ZC3H7B: variants seen among roughly 807,000 people sequenced by gnomAD.
The protein encoded by ZC3H7B is zinc finger CCCH-type containing 7B, also known as zinc finger CCCH domain-containing protein 7B.
ZC3H7B carries 35 observed loss-of-function variants against 116.0 expected under a neutral mutation model. The ratio of observed to expected loss-of-function variants is 0.30; its 90% CI spans 0.23 to 0.40. The LOEUF is 0.40. Ranked by LOEUF, ZC3H7B falls within the 10% of genes least tolerant of loss-of-function variation. The pLI is 1.00. For synonymous variants in ZC3H7B, 502 were observed against 545.6 expected (o/e 0.92, Z 1.11); for missense variants, 1,011 against 1,321.5 (o/e 0.77, Z 3.64).
chr22:41,356,099 G>T (rs2036713210), intron 20 of ZC3H7B, 37 bp downstream of exon 20: 2 of 1,525,376 alleles, frequency 1.3e-6, no homozygotes, highest in African/African-American at 2.8e-5. Context: ...CCCTCCCCCG[G>T]TGTCTCTTCA....
chr22:41,355,943 C>T lies in ZC3H7B; in HGVS notation c.2275-11C>T. On this transcript the variant is annotated splice_polypyrimidine_tract_variant and intron_variant, in intron 19 of 22. Coordinates refer to ENST00000352645, the MANE Select transcript of ZC3H7B (RefSeq NM_017590.6). ...CGGGACTCAGAGGATCTCCCCACGC[C>T]CACCCCACAGCTCTGCATCCATGCA... 3.8e-6 allele frequency: 6 copies of T among 1,596,522 alleles called. No homozygotes were observed. The highest frequency in any genetic ancestry group is 5.1e-6 in the Non-Finnish European group (6 of 1,170,858).
At chr22:41,345,097 G>A (rs2036567831) in intron 13 of ZC3H7B, among the ~76,000 whole-genome samples, 1 of 152,138 alleles carries the variant, frequency 6.6e-6, no homozygotes, top group East Asian at 1.9e-4. Flanking sequence ...TTACAGGCAT[G>A]AGCCACCATG....
intron 4 of ZC3H7B, among the ~76,000 whole-genome samples, chr22:41,326,926 C>T (rs370652541): frequency 2.6e-5 from 4 of 152,212 alleles, no homozygotes; most frequent in South Asian, 2.1e-4. Context: ...CTTGAGTGGC[C>T]GGGCTCATGG....
At chr22:41,328,842 G>T (rs1222560138) in intron 5 of ZC3H7B, among the ~76,000 whole-genome samples, 2 of 151,850 alleles carry the variant, frequency 1.3e-5, no homozygotes, top group South Asian at 4.2e-4. Context: ...ATTGTTTGGC[G>T]ATAGAAACAA....
rs11090045 is a variant in ZC3H7B, at chr22:41,357,599, G to C, written c.*170G>C. On this transcript the variant is annotated 3_prime_UTR_variant, in exon 23 of 23. Coordinates refer to ENST00000352645, the MANE Select transcript of ZC3H7B (RefSeq NM_017590.6). The surrounding 1 kb of genome is among the most constrained non-coding windows in gnomAD (Gnocchi z 5.4). ...TCTCCCCACCACCGCCCCGGTGTGCGTACCCAGGCGCACGTGCTGCAGCCC... is the reference window on the plus strand; with the variant it reads ...TCTCCCCACCACCGCCCCGGTGTGCCTACCCAGGCGCACGTGCTGCAGCCC... 5.3e-5 allele frequency: 51 copies of C among 959,034 alleles called. No homozygotes were observed. In the South Asian group the frequency reaches 8.1e-4, roughly 15 times the overall value. 59.4% of individuals were successfully genotyped at this position (959,034 alleles called of 1,614,324 possible).
rs1264134284 is a variant in ZC3H7B at position 41,302,662 on chromosome 22, C to T, written c.-7+890C>T. On this transcript the variant is annotated intron_variant, in intron 1 of 22. Coordinates refer to ENST00000352645, the MANE Select transcript of ZC3H7B (RefSeq NM_017590.6). This position sits in a 1 kb window ranked among gnomAD's most constrained non-coding sequence, Gnocchi z 5.7. Reference sequence around the variant, plus strand: ...TCCCCTCCTTTCTCCTCAACTCTGTCTGTTTTAGGCGTTTATAAGGCGCCT... The same window carrying T: ...TCCCCTCCTTTCTCCTCAACTCTGTTTGTTTTAGGCGTTTATAAGGCGCCT... Among the ~76,000 whole-genome samples the T allele has an allele frequency of 4.6e-5, 7 of 152,218 alleles. No homozygotes were observed. The highest frequency in any genetic ancestry group is 1.7e-4 in the African/African-American group (7 of 41,452).
rs1054393053 is a variant in ZC3H7B at position 41,302,316 on chromosome 22, G to A, written c.-7+544G>A. Among the ~76,000 whole-genome samples the A allele has an allele frequency of 1.9e-4, 29 of 151,846 alleles. No individual in the cohort carries two copies. The highest frequency in any genetic ancestry group is 6.8e-4 in the African/African-American group (28 of 41,386). On this transcript the variant is annotated intron_variant, in intron 1 of 22. Transcript: ENST00000352645. The surrounding 1 kb of genome is among the most constrained non-coding windows in gnomAD (Gnocchi z 5.7). The stretch of plus-strand genomic sequence containing the variant: ...GCCCGACGGGCCGCCCCTTTCGGCT[G>A]CGGCGGCCACGCGAGCCCGGGGATC...
At chr22:41,354,955 C>T (rs563100926) in intron 17 of ZC3H7B, among the ~76,000 whole-genome samples, 89 of 152,318 alleles carry the variant, frequency 5.8e-4, no homozygotes, top group Admixed American at 2.0e-3. Context: ...CTGGACCCCC[C>T]GCTCTACAGG....
Position 41,349,900 on chromosome 22 carries a change from T to C in ZC3H7B, c.1948+599T>C, listed in dbSNP as rs1569242964. 6.6e-6 allele frequency among the ~76,000 whole-genome samples: 1 copy of C among 152,188 alleles called. No homozygotes were observed. The highest frequency in any genetic ancestry group is 1.5e-5 in the Non-Finnish European group (1 of 68,036). On this transcript the variant is annotated intron_variant, in intron 16 of 22. Transcript: ENST00000352645. This position sits in a 1 kb window ranked among gnomAD's most constrained non-coding sequence, Gnocchi z 4.9. Reference sequence around the variant, plus strand: ...TATTCCATCCATTCTAGGATGCACATTTACCCCTACTGCCTGTCATCATTT... The same window carrying C: ...TATTCCATCCATTCTAGGATGCACACTTACCCCTACTGCCTGTCATCATTT...
rs116772608 is a variant in ZC3H7B, at chr22:41,315,480, G to A, written c.-6-5175G>A. Among the ~76,000 whole-genome samples the A allele has an allele frequency of 2.5e-3, 382 of 150,662 alleles. 3 individuals are homozygous for A. Among genetic ancestry groups the A allele is most frequent in the African/African-American group, 8.8e-3 (362 of 41,034 alleles). The stretch of plus-strand genomic sequence containing the variant: ...CAGGTATGAGCCACTAAGCCCAGCC[G>A]TACCTCCCTCTTTAACTGAGAATAA... On this transcript the variant is annotated intron_variant, in intron 1 of 22. Transcript: ENST00000352645.
chr22:41,332,286 A>C, intron 7 of ZC3H7B, 59 bp downstream of exon 7: 1 of 1,600,744 alleles, frequency 6.2e-7, no homozygotes, highest in East Asian at 2.2e-5. Flanking sequence ...GTTTGGATTC[A>C]CTCTCTCCGG....
chr22:41,338,186 C>T lies in ZC3H7B; in HGVS notation c.583-127C>T. 1 of 979,058 alleles carries T rather than the reference C, an allele frequency of 1.0e-6. No homozygotes were observed. Among genetic ancestry groups the T allele is most frequent in the Non-Finnish European group, 1.5e-6 (1 of 664,302 alleles). The allele number at this position is 979,058 out of a possible 1,614,324, so 60.6% of individuals were successfully genotyped here. On this transcript the variant is annotated intron_variant, in intron 7 of 22. Transcript: ENST00000352645. The surrounding 1 kb of genome is among the most constrained non-coding windows in gnomAD (Gnocchi z 4.5). ...CCTGGCCGCATGTGAGGGCTTTAATCTCCCCTGGCACTCTAAGTGCTCCTC... is the reference window on the plus strand; with the variant it reads ...CCTGGCCGCATGTGAGGGCTTTAATTTCCCCTGGCACTCTAAGTGCTCCTC...
Position 41,346,554 on chromosome 22 carries a change from G to A in ZC3H7B, c.1665+346G>A, listed in dbSNP as rs2036587831. On this transcript the variant is annotated intron_variant, in intron 14 of 22. Coordinates refer to ENST00000352645, the MANE Select transcript of ZC3H7B (RefSeq NM_017590.6). The surrounding 1 kb of genome is among the most constrained non-coding windows in gnomAD (Gnocchi z 5.3). The stretch of plus-strand genomic sequence containing the variant: ...TTCCTAGCCTGATGCAGTGGCTCAC[G>A]CCTGTAATCCCAGCACTTTGGGAGG... 6.6e-6 allele frequency among the ~76,000 whole-genome samples: 1 copy of A among 152,208 alleles called. No homozygotes were observed. The highest frequency in any genetic ancestry group is 2.4e-5 in the African/African-American group (1 of 41,436).
intron 13 of ZC3H7B, among the ~76,000 whole-genome samples, chr22:41,343,876 G>C (rs888414997): frequency 6.6e-6 from 1 of 152,158 alleles, no homozygotes; most frequent in Admixed American, 6.5e-5. Context: ...TGACTCATAG[G>C]GGGCTGGCTT....
Position 41,351,246 on chromosome 22 carries a change from G to C in ZC3H7B, c.1949-315G>C, listed in dbSNP as rs906104600. 2.4e-4 allele frequency among the ~76,000 whole-genome samples: 37 copies of C among 152,192 alleles called. No individual in the cohort carries two copies. Among genetic ancestry groups the C allele is most frequent in the African/African-American group, 8.9e-4 (37 of 41,444 alleles). ...GTCAGGGAAGGGTGCTGAGTCACCG[G>C]CCCAAGAGACAGGGTCACTGGCATG... On this transcript the variant is annotated intron_variant, in intron 16 of 22. Coordinates refer to ENST00000352645, the MANE Select transcript of ZC3H7B (RefSeq NM_017590.6). This position sits in a 1 kb window ranked among gnomAD's most constrained non-coding sequence, Gnocchi z 5.1.
chr22:41,326,679 T>TA (rs1331453093), intron 4 of ZC3H7B, among the ~76,000 whole-genome samples: 3 of 152,220 alleles, frequency 2.0e-5, no homozygotes, highest in African/African-American at 7.2e-5. Flanking sequence ...GTGCACCCAC[T>TA]GACTCAGGTT....
At chr22:41,352,655 G>A (rs942909957) in intron 17 of ZC3H7B, among the ~76,000 whole-genome samples, 15 of 151,914 alleles carry the variant, frequency 9.9e-5, no homozygotes, top group Admixed American at 6.6e-4. Context: ...CCAGCTACTC[G>A]GGAGGCTGAG....
Position 41,346,271 on chromosome 22 carries a change from C to G in ZC3H7B, c.1665+63C>G. 1.3e-6 allele frequency: 2 copies of G among 1,561,758 alleles called. No individual in the cohort carries two copies. The highest frequency in any genetic ancestry group is 3.5e-5 in the Admixed American group (2 of 57,046). On this transcript the variant is annotated intron_variant, in intron 14 of 22. Coordinates refer to ENST00000352645, the MANE Select transcript of ZC3H7B (RefSeq NM_017590.6). This position sits in a 1 kb window ranked among gnomAD's most constrained non-coding sequence, Gnocchi z 5.3. ...GGCACAGACAGGGCTGGGGATGCTC[C>G]CTGGCACGGACCACCATAGGAAGTC...
chr22:41,343,391 CAT>C (rs2036545654), intron 12 of ZC3H7B, 22 bp from the exon 13 acceptor site: 1 of 1,590,598 alleles, frequency 6.3e-7, no homozygotes, highest in African/African-American at 1.3e-5. Context: ...CCGGAATTAT[CAT>C]GTGTGTCCAC....
Sources: gnomAD v4.1 joint callset for allele counts (sites outside exome capture counted in the v4.1 genomes callset) on GRCh38, gnomAD v4.1.1 for gene constraint, Gnocchi (gnomAD v3.1) non-coding constraint, MANE v1.5 for transcripts, NCBI Gene and HGNC (gene_info 2026-07-23, HGNC 2026-07-21) for gene names.